Variants in SORBS2 observed in about 807,000 individuals in gnomAD.
The protein encoded by SORBS2 is sorbin and SH3 domain containing 2.
Under a neutral mutation model 97.7 loss-of-function variants are expected in SORBS2, and 46 were observed. The observed-to-expected ratio is 0.47, with a 90% CI of 0.37 to 0.60. The LOEUF (loss-of-function observed/expected upper bound fraction) is 0.60, where lower values mean the gene tolerates loss of function less well. SORBS2 is among the 20% of genes least tolerant of loss of function. The pLI, the probability that SORBS2 is intolerant of heterozygous loss-of-function variation, is 0.00. For missense variants in SORBS2, 1,316 were observed against 1,282.3 expected (o/e 1.03, Z -0.40); for synonymous variants, 476 against 473.4 (o/e 1.01, Z -0.07).
At chr4:185,632,512 A>G (rs377630824) in intron 4 of SORBS2, among the ~76,000 whole-genome samples, 40 of 152,254 alleles carry the variant, frequency 2.6e-4, no homozygotes, top group African/African-American at 9.2e-4. Flanking sequence ...GCAAACAAGT[A>G]AAATAAAATC....
At chr4:185,735,376 A>ATT (rs71593648) in intron 2 of SORBS2, among the ~76,000 whole-genome samples, 17,052 of 141,784 alleles carry the variant, frequency 0.12, 1,265 homozygotes, top group East Asian at 0.34. Context: ...AGAGTAAACT[A>ATT]TTTTTTTTTT....
At chr4:185,675,142 C>T (rs1433767113) in intron 4 of SORBS2, 4 of 152,144 alleles carry the variant, frequency 2.6e-5, no homozygotes, top group East Asian at 1.9e-4. Context: ...TCAAACTAAC[C>T]GTCTCTGCGC....
intron 4 of SORBS2, among the ~76,000 whole-genome samples, chr4:185,644,978 G>A (rs1464100394): frequency 1.3e-5 from 2 of 152,148 alleles, no homozygotes; most frequent in Non-Finnish European, 2.9e-5. Flanking sequence ...GATATTAAAT[G>A]ATAGACTTGA....
intron 4 of SORBS2, chr4:185,638,973 G>A (rs745674769): frequency 6.6e-7 from 1 of 1,523,438 alleles, no homozygotes; most frequent in South Asian, 1.2e-5. Context: ...CGAGTCGGGA[G>A]CTAGAAAGAG....
At chr4:185,775,434 AC>A (rs1401072680) in intron 1 of SORBS2, 68 bp from the exon 2 acceptor site, 1 of 152,498 alleles carries the variant, frequency 6.6e-6, no homozygotes, top group African/African-American at 2.4e-5. Flanking sequence ...GGGTGGTGCT[AC>A]TGTTCTGAGA....
chr4:185,950,776 AGACACTTTGGAAATCGCACTATGGCCTGC>A (rs2099276845), intron 1 of SORBS2, among the ~76,000 whole-genome samples: 1 of 152,114 alleles, frequency 6.6e-6, no homozygotes, highest in Non-Finnish European at 1.5e-5. Flanking sequence ...TTCCTTAGAG[AGACACTTTGGAAATCGCACTATGGCCTGC>A]ACGGCGGATA....
intron 2 of SORBS2, among the ~76,000 whole-genome samples, chr4:185,700,554 G>A (rs540263050): frequency 3.3e-5 from 5 of 152,256 alleles, no homozygotes; most frequent in African/African-American, 1.2e-4. Context: ...ACAAGAAGAT[G>A]TATAAATAAC....
At chr4:185,662,333 C>T in intron 4 of SORBS2, 91 bp from the exon 8 acceptor site, 1 of 1,292,734 alleles carries the variant, frequency 7.7e-7, no homozygotes, top group Non-Finnish European at 1.1e-6. Flanking sequence ...CTTCCAATCA[C>T]ATGAGAGTAA....
At chr4:185,657,777 C>T (rs1403898455), upstream of SORBS2, among the ~76,000 whole-genome samples, 2 of 152,038 alleles carry the variant, frequency 1.3e-5, no homozygotes, top group Non-Finnish European at 2.9e-5. Flanking sequence ...GGGGAACAGA[C>T]CTATACCAAC....
At chr4:185,638,895 C>G (rs1294446513) in intron 4 of SORBS2, 1 of 1,480,422 alleles carries the variant, frequency 6.8e-7, no homozygotes, top group African/African-American at 1.5e-5. Context: ...GAGACAGAGC[C>G]GGGGCGCGCG....
chr4:185,934,725 A>G (rs1440867102), intron 1 of SORBS2, among the ~76,000 whole-genome samples: 1 of 151,336 alleles, frequency 6.6e-6, no homozygotes, highest in Non-Finnish European at 1.5e-5. Context: ...CGGAGGCTGC[A>G]GTGAGCTGAG....
intron 1 of SORBS2, among the ~76,000 whole-genome samples, chr4:185,952,801 T>C (rs1479272104): frequency 6.6e-6 from 1 of 152,232 alleles, no homozygotes; most frequent in Non-Finnish European, 1.5e-5. Context: ...GATTTATTTT[T>C]CCTCTAGTTT....
At chr4:185,928,097 A>G (rs1310185272) in intron 1 of SORBS2, among the ~76,000 whole-genome samples, 1 of 144,782 alleles carries the variant, frequency 6.9e-6, no homozygotes, top group African/African-American at 2.5e-5. Flanking sequence ...AGAGGGCAAG[A>G]AGAAGCATAG....
intron 4 of SORBS2, 78 bp downstream of exon 13, chr4:185,646,590 G>T (rs1179559738): frequency 1.0e-5 from 8 of 782,724 alleles, no homozygotes. Flanking sequence ...AATTGCTAAT[G>T]GGTCTGAAAT....
chr4:185,873,176 A>G (rs2099231355), intron 1 of SORBS2, among the ~76,000 whole-genome samples: 1 of 152,226 alleles, frequency 6.6e-6, no homozygotes, highest in Admixed American at 6.5e-5. Flanking sequence ...TCCTCCCCAT[A>G]TAGAATTCCT....
chr4:185,795,554 C>T (rs927364596), intron 1 of SORBS2, among the ~76,000 whole-genome samples: 14 of 152,020 alleles, frequency 9.2e-5, no homozygotes, highest in African/African-American at 2.9e-4. Flanking sequence ...GCAAAATACA[C>T]ACAAGATGCG....
At chr4:185,694,539 T>C (rs6828335) in intron 2 of SORBS2, among the ~76,000 whole-genome samples, 109,694 of 151,822 alleles carry the variant, frequency 0.72, 40,459 homozygotes, top group East Asian at 0.89. Context: ...GTGACAACAA[T>C]GGATTGGTTT....
intron 1 of SORBS2, among the ~76,000 whole-genome samples, chr4:185,890,602 G>A (rs1041938330): frequency 4.6e-5 from 7 of 152,180 alleles, no homozygotes; most frequent in Non-Finnish European, 7.3e-5. Flanking sequence ...GCTTCATGAC[G>A]TGATCACGCT....
intron 1 of SORBS2, among the ~76,000 whole-genome samples, chr4:185,905,096 C>A (rs2099249985): frequency 6.8e-6 from 1 of 147,458 alleles, no homozygotes; most frequent in Admixed American, 6.8e-5. Flanking sequence ...AAGAGTGAAA[C>A]TCTGTCAAAA....
Sources: gnomAD v4.1 joint callset for allele counts (sites outside exome capture counted in the v4.1 genomes callset) on GRCh38, gnomAD v4.1.1 for gene constraint, MANE v1.5 for transcripts, NCBI Gene and HGNC (gene_info 2026-07-23, HGNC 2026-07-21) for gene names.